Variants in CAPN11 observed in about 807,000 individuals in gnomAD.
CAPN11 encodes calpain 11, also known as calpain-11.
CAPN11 carries 108 observed loss-of-function variants against 105.3 expected under a neutral mutation model. That is an observed-to-expected ratio of 1.03 (90% CI 0.88 to 1.20). The LOEUF is 1.20. Among genes scored for constraint, CAPN11 ranks in the 50% most tolerant of loss-of-function variants. The pLI is 0.00. For synonymous variants in CAPN11, 329 were observed against 344.5 expected, an observed-to-expected ratio of 0.96 and a Z score of 0.50; for missense variants, 883 against 924.8, an observed-to-expected ratio of 0.95 and a Z score of 0.59.
chr6:44,177,748 A>G (rs944155835), intron 12 of CAPN11, among the ~76,000 whole-genome samples: 5 of 151,864 alleles, frequency 3.3e-5, no homozygotes, highest in Admixed American at 1.3e-4. Context: ...CGGCCTCCCA[A>G]AGTGTTGGAA....
intron 12 of CAPN11, 102 bp from the exon 13 acceptor site, chr6:44,179,517 C>A: frequency 9.4e-7 from 1 of 1,063,656 alleles, no homozygotes; most frequent in African/African-American, 1.5e-5. Flanking sequence ...TCCAACAACA[C>A]ACACACACAG....
At chr6:44,174,038 G>A (rs1771510774) in intron 7 of CAPN11, among the ~76,000 whole-genome samples, 1 of 152,232 alleles carries the variant, frequency 6.6e-6, no homozygotes, top group Non-Finnish European at 1.5e-5. Flanking sequence ...CTCATTCACT[G>A]CTGGACCCTG....
At chr6:44,171,511 G>A (rs1770997223) in intron 4 of CAPN11, among the ~76,000 whole-genome samples, 1 of 152,158 alleles carries the variant, frequency 6.6e-6, no homozygotes, top group African/African-American at 2.4e-5. Context: ...AGAATGTGGA[G>A]AGTATTGGCT....
intron 2 of CAPN11, among the ~76,000 whole-genome samples, chr6:44,168,338 C>G (rs555579376): frequency 2.6e-5 from 4 of 152,128 alleles, no homozygotes; most frequent in African/African-American, 7.2e-5. Flanking sequence ...GGCACCATCT[C>G]GGCTCACTGC....
At chr6:44,164,842 G>A (rs1769529286) in intron 1 of CAPN11, among the ~76,000 whole-genome samples, 1 of 152,066 alleles carries the variant, frequency 6.6e-6, no homozygotes, top group Admixed American at 6.6e-5. Flanking sequence ...AGGGGGAGCG[G>A]TATGTATAAT....
intron 5 of CAPN11, among the ~76,000 whole-genome samples, chr6:44,172,736 T>C (rs907852332): frequency 6.6e-6 from 1 of 152,154 alleles, no homozygotes; most frequent in African/African-American, 2.4e-5. Flanking sequence ...GACTTAGCAA[T>C]GTGTGGACAA....
chr6:44,169,610 A>G, intron 3 of CAPN11, 79 bp downstream of exon 3: 1 of 1,378,338 alleles, frequency 7.3e-7, no homozygotes, highest in Admixed American at 2.7e-5. Context: ...TAGAATCTTC[A>G]ATCTTCAACC....
chr6:44,179,900 C>T (rs2084641028), intron 13 of CAPN11, 52 bp from the exon 14 acceptor site: 6 of 1,429,834 alleles, frequency 4.2e-6, no homozygotes, highest in Non-Finnish European at 5.9e-6. Flanking sequence ...GGGGGACCCT[C>T]CCTCCCTAAC....
In CAPN11 at chr6:44,169,401, G is replaced by C. The variant is rs564283417; in HGVS notation, c.209G>C (p.Arg70Pro). Residue 70 changes from arginine to proline, a missense_variant, in exon 3 of 23, where the codon CGA becomes CCA. Physicochemically the swap from Arg to Pro is moderately radical, Grantham distance 103. Transcript: ENST00000398776. ...NFGNQSFEEL[R>P]AACLRKGELF... is the part of the protein sequence containing the mutation. ...GGTAACCAGAGCTTTGAGGAGCTGCGAGCAGCCTGTCTAAGAAAGGGGGAG... is the reference window on the plus strand; with the variant it reads ...GGTAACCAGAGCTTTGAGGAGCTGCCAGCAGCCTGTCTAAGAAAGGGGGAG... The C allele has an allele frequency of 6.2e-7, 1 of 1,613,938 alleles. No individual in the cohort carries two copies. Among genetic ancestry groups the C allele is most frequent in the Non-Finnish European group, 8.5e-7 (1 of 1,179,888 alleles).
chr6:44,161,878 G>A (rs1768889839), intron 1 of CAPN11: 1 of 456,048 alleles, frequency 2.2e-6, no homozygotes, highest in Non-Finnish European at 4.4e-6. Context: ...GGCATGGAGT[G>A]GTTTGCCTTA....
intron 1 of CAPN11, 42 bp downstream of exon 1, chr6:44,158,906 C>T: frequency 6.5e-7 from 1 of 1,529,286 alleles, no homozygotes; most frequent in South Asian, 1.2e-5. Context: ...GTACCTCCTG[C>T]AGGCTAGAGC....
At position 44,166,814 on chromosome 6, in the gene CAPN11, C is replaced by G; in HGVS notation, c.73C>G (p.Arg25Gly). Residue 25 changes from arginine (R) to glycine (G), a missense_variant, in exon 2 of 23, where the codon CGG becomes GGG. Physicochemically the swap from Arg to Gly is moderately radical, Grantham distance 125. Transcript: ENST00000398776. The part of the protein sequence containing the change: ...SLDGSQEDKP[R>G]GSCAEPTFTD... The stretch of plus-strand genomic sequence containing the variant: ...GGATGGATCACAGGAGGATAAGCCT[C>G]GGGGCTCATGTGCGGGTAGGACTGC... 1 of 1,551,766 alleles carries G rather than the reference C, an allele frequency of 6.4e-7. No homozygotes were observed. The highest frequency in any genetic ancestry group is 8.7e-7 in the Non-Finnish European group (1 of 1,146,710).
At position 44,176,589 on chromosome 6, in the gene CAPN11, A is replaced by T; in HGVS notation, c.1010A>T (p.Glu337Val). ...WNGAWSDSAR[E>V]WEEVASDIQM... The stretch of plus-strand genomic sequence containing the variant: ...GCCCATCTCTGCTCCAGTGCCAGGG[A>T]GTGGGAAGAGGTGGCCTCAGACATC... The change falls in exon 10 of 23, where the codon GAG becomes GTG. Residue 337 changes from glutamate to valine, a missense_variant. By Grantham distance (121) the Glu-to-Val change is moderately radical. Transcript: ENST00000398776. 2 of 1,611,930 alleles carry T rather than the reference A, an allele frequency of 1.2e-6. No homozygotes were observed. Among genetic ancestry groups the T allele is most frequent in the Non-Finnish European group, 8.5e-7 (1 of 1,178,594 alleles).
chr6:44,161,798 G>C, intron 1 of CAPN11: 1 of 456,170 alleles, frequency 2.2e-6, no homozygotes, highest in East Asian at 7.0e-5. Context: ...AGGCCCCCAG[G>C]AGAGCTCAAC....
intron 13 of CAPN11, 29 bp from the exon 14 acceptor site, chr6:44,179,923 T>G (rs764885837): frequency 3.2e-6 from 5 of 1,556,602 alleles, no homozygotes; most frequent in East Asian, 2.2e-5. Context: ...CCCATGCCAG[T>G]CCTGTACCCA....
Position 44,179,649 on chromosome 6 carries a change from TG to T in CAPN11, c.1428+23del. ...AAAAGAGGTACAGAAGATAAAGATG[TG>T]GGGCTTGTTCCTGGACACATACCCA... On this transcript the variant is annotated intron_variant, in intron 13 of 22. Transcript: ENST00000398776. 1 of 1,612,264 alleles carries T rather than the reference TG, an allele frequency of 6.2e-7. No homozygotes were observed. Among genetic ancestry groups the T allele is most frequent in the Non-Finnish European group, 8.5e-7 (1 of 1,178,360 alleles).
chr6:44,168,919 C>A (rs1163698182), intron 2 of CAPN11: 3 of 444,052 alleles, frequency 6.8e-6, no homozygotes, highest in Non-Finnish European at 9.1e-6. Flanking sequence ...CCACACCCAG[C>A]CTATTTATTT....
rs1410998420 is a variant in CAPN11 at position 44,180,461 on chromosome 6, G to A, written c.1642G>A (p.Glu548Lys). 1.2e-6 allele frequency: 2 copies of A among 1,613,662 alleles called. No individual in the cohort carries two copies. The highest frequency in any genetic ancestry group is 2.7e-5 in the African/African-American group (2 of 74,948). ...TGAGCTTTCAATCATTTTGCCCAGG[G>A]AATTGGATGAAGTCAACTATGCTGA... ...VFTEKHSESW[E>K]LDEVNYAEQL... The change falls in exon 15 of 23, where the codon GAA becomes AAA. Residue 548 changes from glutamate (E) to lysine (K), a missense_variant and splice_region_variant. Transcript: ENST00000398776.
At chr6:44,172,026 A>C (rs139104034) in intron 4 of CAPN11, among the ~76,000 whole-genome samples, 230 of 152,278 alleles carry the variant, frequency 1.5e-3, no homozygotes, top group African/African-American at 5.3e-3. Context: ...AGATCATGCT[A>C]TTGCACTCCA....
Sources: gnomAD v4.1 joint callset for allele counts (sites outside exome capture counted in the v4.1 genomes callset) on GRCh38, gnomAD v4.1.1 for gene constraint, MANE v1.5 for transcripts, NCBI Gene and HGNC (gene_info 2026-07-23, HGNC 2026-07-21) for gene names.